Variants in VAC14 observed in about 807,000 individuals in gnomAD.
VAC14 encodes VAC14 component of PIKFYVE complex, also known as protein VAC14 homolog.
VAC14 carries 47 observed loss-of-function variants against 85.3 expected under a neutral mutation model. That is an observed-to-expected ratio of 0.55 (90% CI 0.44 to 0.70). VAC14 has a LOEUF of 0.70. Among genes scored for constraint, VAC14 ranks in the 30% least tolerant of loss-of-function variants. VAC14 has a pLI of 0.00. For missense variants in VAC14, 861 were observed against 1,004.3 expected (o/e 0.86, Z 1.93); for synonymous variants, 447 against 430.5 (o/e 1.04, Z -0.47).
At chr16:70,695,778 T>C in intron 16 of VAC14, 155 bp from the exon 17 acceptor site, 1 of 652,884 alleles carries the variant, frequency 1.5e-6, no homozygotes, top group Non-Finnish European at 2.7e-6. Context: ...GGCTCTTCCC[T>C]GTTCCTCGCC....
intron 9 of VAC14, among the ~76,000 whole-genome samples, chr16:70,777,882 G>C (rs2033602278): frequency 1.3e-5 from 2 of 152,218 alleles, no homozygotes; most frequent in South Asian, 2.1e-4. Context: ...GAGTGAGCAG[G>C]AGAGGCTGTG....
intron 12 of VAC14, among the ~76,000 whole-genome samples, chr16:70,752,726 C>T (rs986827507): frequency 1.3e-5 from 2 of 152,366 alleles, no homozygotes; most frequent in East Asian, 3.9e-4. Context: ...CCCCATAGGC[C>T]TCGCTTCCAA....
chr16:70,739,121 G>A (rs2030002143), intron 13 of VAC14, among the ~76,000 whole-genome samples: 1 of 152,218 alleles, frequency 6.6e-6, no homozygotes, highest in African/African-American at 2.4e-5. Flanking sequence ...TGCCATGTGG[G>A]AGCTCACAGA....
intron 1 of VAC14, among the ~76,000 whole-genome samples, chr16:70,787,694 T>C (rs1407171046): frequency 6.6e-6 from 1 of 152,188 alleles, no homozygotes; most frequent in East Asian, 1.9e-4. Context: ...GAGCCGGATC[T>C]TCAAGGAGGC....
At chr16:70,721,682 G>A (rs1032242094) in intron 14 of VAC14, among the ~76,000 whole-genome samples, 11 of 152,094 alleles carry the variant, frequency 7.2e-5, no homozygotes, top group Admixed American at 2.0e-4. Context: ...CTCTGTCCCC[G>A]TCTGCTGCAT....
intron 12 of VAC14, among the ~76,000 whole-genome samples, chr16:70,749,323 C>T (rs1009859657): frequency 9.2e-5 from 14 of 152,380 alleles, no homozygotes; most frequent in African/African-American, 3.4e-4. Context: ...AGAGCACAGC[C>T]AGCAAAGCTG....
At position 70,801,093 on chromosome 16, in the gene VAC14, G is replaced by T; in HGVS notation, c.-193C>A. 2.2e-6 allele frequency: 1 copy of T among 451,364 alleles called. No homozygotes were observed. The highest frequency in any genetic ancestry group is 3.9e-6 in the Non-Finnish European group (1 of 258,356). The allele number at this position is 451,364 out of a possible 1,614,324, so 28.0% of individuals were successfully genotyped here. On this transcript the variant is annotated 5_prime_UTR_variant, in exon 1 of 19. Transcript: ENST00000261776. ...ACCCCGCTCCAGCACACCTGACCCT[G>T]GCCGCTTAACAACTCCCGCCCGGCA...
intron 1 of VAC14, among the ~76,000 whole-genome samples, chr16:70,796,359 G>C (rs888473287): frequency 1.3e-5 from 2 of 152,152 alleles, no homozygotes; most frequent in Non-Finnish European, 2.9e-5. Flanking sequence ...ATGCCTCACT[G>C]GAACACCATA....
chr16:70,743,746 G>A (rs752509700), intron 13 of VAC14, among the ~76,000 whole-genome samples: 1 of 152,132 alleles, frequency 6.6e-6, no homozygotes, highest in Non-Finnish European at 1.5e-5. Context: ...ATGTCCAGAG[G>A]GGCGCAATGG....
chr16:70,688,718 G>A (rs2053544682), intron 18 of VAC14: 9 of 985,560 alleles, frequency 9.1e-6, no homozygotes, highest in Non-Finnish European at 1.1e-5. Context: ...CAGCAACACA[G>A]GTTGTGCACT....
In VAC14 at chr16:70,762,547, G is replaced by C; in HGVS notation, c.1364C>G (p.Ser455Trp). The change falls in exon 12 of 19, where the codon TCG becomes TGG. Residue 455 changes from serine to tryptophan, a missense_variant. By Grantham distance (177) the Ser-to-Trp change is radical. Coordinates refer to ENST00000261776, the MANE Select transcript of VAC14 (RefSeq NM_018052.5). This position sits in a 1 kb window ranked among gnomAD's most constrained non-coding sequence, Gnocchi z 4.1. ...GTGGCGTTGGTGACCTACCTCATCC[G>C]ATTCATCCGATAACGTCTGCAGTAG... is the stretch of plus-strand genomic sequence containing the variant. ...PILLQTLSDE[S>W]DEVILKDLEV... The C allele has an allele frequency of 3.1e-6, 5 of 1,614,068 alleles. No homozygotes were observed. Among genetic ancestry groups the C allele is most frequent in the Non-Finnish European group, 4.2e-6 (5 of 1,179,964 alleles).
chr16:70,785,796 C>A lies in VAC14; in HGVS notation c.329G>T (p.Arg110Leu). 2.5e-6 allele frequency: 4 copies of A among 1,596,542 alleles called. No individual in the cohort carries two copies. Among genetic ancestry groups the A allele is most frequent in the Admixed American group, 1.7e-5 (1 of 58,192 alleles). The change falls in exon 3 of 19, where the codon CGC becomes CTC. Residue 110 changes from arginine to leucine, a missense_variant. Physicochemically the swap from Arg to Leu is moderately radical, Grantham distance 102. This residue lies in a region of VAC14 where 629 missense variants were observed against 703.1 expected (regional missense o/e 0.89). Transcript: ENST00000261776. Reference sequence around the variant, plus strand: ...GTAGAGGGCCTCGCAGGCATAGTAGCGCAGCCTGCTGTCTGCATCATTGAA... The same window carrying A: ...GTAGAGGGCCTCGCAGGCATAGTAGAGCAGCCTGCTGTCTGCATCATTGAA... ...TCFNDADSRLRYYACEALYNI... is the reference protein window; with the variant it reads ...TCFNDADSRLLYYACEALYNI...
intron 14 of VAC14, among the ~76,000 whole-genome samples, chr16:70,706,689 G>A (rs754161342): frequency 1.3e-5 from 2 of 152,158 alleles, no homozygotes; most frequent in Non-Finnish European, 2.9e-5. Context: ...TTTTAGTAGC[G>A]ACATGTTGAC....
At chr16:70,691,707 C>T in intron 18 of VAC14, 1 of 985,422 alleles carries the variant, frequency 1.0e-6, no homozygotes, top group Non-Finnish European at 1.2e-6. Context: ...TGGTTGGGGC[C>T]ACACTTTCTA....
chr16:70,712,868 G>T (rs2054064602), intron 14 of VAC14, among the ~76,000 whole-genome samples: 1 of 152,332 alleles, frequency 6.6e-6, no homozygotes, highest in South Asian at 2.1e-4. Flanking sequence ...TCTTGGAGAG[G>T]CTTGGCGACG....
chr16:70,691,446 C>CACA, intron 18 of VAC14: 1 of 985,326 alleles, frequency 1.0e-6, no homozygotes, highest in Non-Finnish European at 1.2e-6. Context: ...CCAGCAAGGC[C>CACA]CGGTGTGGCT....
chr16:70,772,436 G>C (rs62048011), intron 9 of VAC14: 18,613 of 433,158 alleles, frequency 0.043, 548 homozygotes, highest in Admixed American at 0.072. Context: ...TCTCAGAAGG[G>C]ATCACTGGCC....
At chr16:70,721,910 CTCTT>C (rs1374745144) in intron 14 of VAC14, among the ~76,000 whole-genome samples, 1 of 152,208 alleles carries the variant, frequency 6.6e-6, no homozygotes, top group Non-Finnish European at 1.5e-5. Context: ...CCATCACTCT[CTCTT>C]TCCCCACAGC....
intron 13 of VAC14, among the ~76,000 whole-genome samples, chr16:70,742,796 G>A (rs1412766825): frequency 3.3e-5 from 5 of 152,274 alleles, no homozygotes; most frequent in African/African-American, 9.6e-5. Flanking sequence ...GGGCTGTGGC[G>A]GGAGGCTGAG....
Sources: allele counts gnomAD v4.1 joint callset (sites outside exome capture counted in the v4.1 genomes callset), GRCh38; gene constraint gnomAD v4.1.1; regional missense constraint gnomAD v4.1.1; non-coding constraint Gnocchi (gnomAD v3.1); transcripts MANE v1.5; gene names NCBI Gene and HGNC (gene_info 2026-07-23, HGNC 2026-07-21).